Variants in SFI1 observed in about 807,000 individuals in gnomAD.
SFI1 encodes SFI1 centrin binding protein.
SFI1 carries 195 observed loss-of-function variants against 207.5 expected under a neutral mutation model. The observed-to-expected ratio is 0.94, with a 90% CI of 0.84 to 1.06. The LOEUF (loss-of-function observed/expected upper bound fraction) is 1.06, where lower values mean the gene tolerates loss of function less well. SFI1 is among the 50% of genes least tolerant of loss of function. The probability of loss-of-function intolerance (pLI) is 0.00; values close to 1 mark genes in which losing one functional copy is unlikely to be tolerated. For synonymous variants in SFI1, 630 were observed against 598.9 expected, an observed-to-expected ratio of 1.05 and a Z score of -0.76; for missense variants, 1,634 against 1,588.0, an observed-to-expected ratio of 1.03 and a Z score of -0.49.
intron 22 of SFI1, among the ~76,000 whole-genome samples, chr22:31,609,732 T>A (rs1188052177): frequency 6.6e-6 from 1 of 152,240 alleles, no homozygotes; most frequent in Non-Finnish European, 1.5e-5. Flanking sequence ...CTGGAGCTTC[T>A]CCTCAGCTCA....
chr22:31,612,805 A>G, intron 24 of SFI1: 1 of 297,794 alleles, frequency 3.4e-6, no homozygotes, highest in South Asian at 8.2e-5. Flanking sequence ...TAAAAAGCCA[A>G]GAGGGATCAC....
intron 12 of SFI1, among the ~76,000 whole-genome samples, chr22:31,580,667 T>C (rs1303546329): frequency 6.6e-6 from 1 of 151,246 alleles, no homozygotes; most frequent in East Asian, 2.0e-4. Context: ...CTCAGCCTCT[T>C]GAGTAGCTGG....
intron 4 of SFI1, among the ~76,000 whole-genome samples, chr22:31,543,063 C>G (rs539644454): frequency 1.3e-4 from 20 of 151,794 alleles, no homozygotes; most frequent in African/African-American, 4.8e-4. Flanking sequence ...CTCCGCCTCC[C>G]AGGTTCACGC....
intron 7 of SFI1, chr22:31,559,852 C>G: frequency 1.5e-6 from 1 of 686,050 alleles, no homozygotes; most frequent in East Asian, 2.9e-5. Flanking sequence ...GAGGACCGCA[C>G]CACTTCTGGG....
chr22:31,518,626 T>C (rs1644904091), intron 2 of SFI1, among the ~76,000 whole-genome samples: 1 of 152,178 alleles, frequency 6.6e-6, no homozygotes, highest in African/African-American at 2.4e-5. Context: ...CCTTTGTGGC[T>C]GCTGTTCTTA....
intron 2 of SFI1, among the ~76,000 whole-genome samples, chr22:31,524,798 G>C (rs769583549): frequency 7.3e-6 from 1 of 136,648 alleles, no homozygotes; most frequent in Non-Finnish European, 1.6e-5. Flanking sequence ...TATAATATTT[G>C]TAATCCCATT....
At chr22:31,540,875 C>G (rs1157004069) in intron 4 of SFI1, among the ~76,000 whole-genome samples, 2 of 152,156 alleles carry the variant, frequency 1.3e-5, no homozygotes, top group Non-Finnish European at 2.9e-5. Context: ...CTGCATCCAG[C>G]TGAAGGTGTT....
chr22:31,540,577 G>A (rs2059389235), intron 4 of SFI1, among the ~76,000 whole-genome samples: 1 of 148,030 alleles, frequency 6.8e-6, no homozygotes, highest in South Asian at 2.1e-4. Context: ...ACCGCGCCCA[G>A]CCTACATTTT....
intron 4 of SFI1, among the ~76,000 whole-genome samples, chr22:31,543,203 C>T (rs1458908924): frequency 2.0e-5 from 3 of 152,020 alleles, no homozygotes; most frequent in Admixed American, 6.6e-5. Context: ...ATCTCCTGAC[C>T]TCATGATCCA....
Position 31,582,206 on chromosome 22 carries a change from T to TATATATATATATATATATATA in SFI1, c.1249-1669_1249-1668insATATATATATATATATATATA, listed in dbSNP as rs1569376507. Among the ~76,000 whole-genome samples the TATATATATATATATATATATA allele has an allele frequency of 9.3e-4, 34 of 36,610 alleles. 1 individual carries two copies. Among genetic ancestry groups the TATATATATATATATATATATA allele is most frequent in the East Asian group, 5.3e-3 (4 of 760 alleles). 24.0% of individuals were successfully genotyped at this position (36,610 alleles called of 152,430 possible). A position where few individuals can be genotyped will look rare whatever the true frequency, so the allele number is the denominator to read the frequency against. On this transcript the variant is annotated intron_variant, in intron 12 of 32. Coordinates refer to ENST00000400288, the MANE Select transcript of SFI1 (RefSeq NM_001007467.3). ...CCCAACAACACTTCTTTATTACATTTTATATATATATATATATATATATAT... is the reference window on the plus strand; with the variant it reads ...CCCAACAACACTTCTTTATTACATTTATATATATATATATATATATATATATATATATATATATATATATAT...
At chr22:31,597,571 A>T (rs931578125) in intron 15 of SFI1, among the ~76,000 whole-genome samples, 2 of 152,186 alleles carry the variant, frequency 1.3e-5, no homozygotes, top group African/African-American at 2.4e-5. Flanking sequence ...TGATGTGGTC[A>T]TAGTCTCTAT....
At chr22:31,534,186 T>C (rs2058766291) in intron 4 of SFI1, among the ~76,000 whole-genome samples, 2 of 152,078 alleles carry the variant, frequency 1.3e-5, no homozygotes, top group South Asian at 4.1e-4. Context: ...TGGCACAAGG[T>C]TTTACCATGT....
chr22:31,560,309 G>A (rs1230685686), intron 7 of SFI1, among the ~76,000 whole-genome samples: 1 of 149,782 alleles, frequency 6.7e-6, no homozygotes, highest in Non-Finnish European at 1.5e-5. Flanking sequence ...TTCTAGGAAA[G>A]AAAAGGATAC....
chr22:31,545,136 G>A (rs957531840), intron 4 of SFI1, among the ~76,000 whole-genome samples: 1 of 152,168 alleles, frequency 6.6e-6, no homozygotes, highest in Admixed American at 6.5e-5. Flanking sequence ...GGAGGCCGAG[G>A]CAGGCAGATC....
chr22:31,581,547 C>T (rs2146130022), intron 12 of SFI1, among the ~76,000 whole-genome samples: 1 of 152,280 alleles, frequency 6.6e-6, no homozygotes, highest in African/African-American at 2.4e-5. Context: ...CTGCCTCGGC[C>T]TCCTAAAGTG....
intron 17 of SFI1, 90 bp downstream of exon 17, chr22:31,602,875 G>A: frequency 7.1e-7 from 1 of 1,405,278 alleles, no homozygotes; most frequent in East Asian, 2.4e-5. Flanking sequence ...TGCCTGTCTG[G>A]AGGACTGCAT....
Position 31,556,946 on chromosome 22 carries a change from A to G in SFI1, c.549A>G (p.Ala183=). The G allele has an allele frequency of 6.3e-7, 1 of 1,599,184 alleles. No individual in the cohort carries two copies. The change falls in exon 7 of 33, where the codon GCA becomes GCG. Residue 183 remains alanine, a synonymous_variant. Coordinates refer to ENST00000400288, the MANE Select transcript of SFI1 (RefSeq NM_001007467.3). ...AAATCTCTTTGGTGAATCTAGATGC[A>G]AAGCAAAAGATGCGACAGGCCTGGA... ...NKYIRAEVHD[A]KQKMRQAWKS... is the part of the protein sequence containing the mutation.
rs1019855618 is a variant in SFI1, at chr22:31,517,412, G to A, written c.92+9036G>A. ...ACAGGCATGTGCCACCACACCCAGC[G>A]AATTTTTGTATTTTTTGTAGAGATG... On this transcript the variant is annotated intron_variant, in intron 2 of 32. Transcript: ENST00000400288. Among the ~76,000 whole-genome samples the A allele has an allele frequency of 3.3e-5, 5 of 151,766 alleles. 1 individual carries two copies. The highest frequency in any genetic ancestry group is 4.1e-4 in the South Asian group (2 of 4,824).
intron 1 of SFI1, among the ~76,000 whole-genome samples, chr22:31,500,619 A>C (rs569173690): frequency 6.6e-6 from 1 of 151,802 alleles, no homozygotes; most frequent in East Asian, 1.9e-4. Context: ...CACTACACCC[A>C]GCTAATTTTG....
Sources: gnomAD v4.1 joint callset for allele counts (sites outside exome capture counted in the v4.1 genomes callset) on GRCh38, gnomAD v4.1.1 for gene constraint, MANE v1.5 for transcripts, NCBI Gene and HGNC (gene_info 2026-07-23, HGNC 2026-07-21) for gene names.